WWOX: variants seen among roughly 807,000 people sequenced by gnomAD.
The protein encoded by WWOX is WW domain containing oxidoreductase, also known as WW domain-containing oxidoreductase.
In WWOX, 69 loss-of-function variants were observed where a neutral mutation model predicts 46.2. That is an observed-to-expected ratio of 1.49 (90% CI 1.23 to 1.82). WWOX has a LOEUF of 1.82. Among genes scored for constraint, WWOX ranks in the 40% most tolerant of loss-of-function variants. The pLI, the probability that WWOX is intolerant of heterozygous loss-of-function variation, is 0.00. For missense variants in WWOX, 919 were observed against 542.6 expected, an observed-to-expected ratio of 1.69 and a Z score of -6.89; for synonymous variants, 359 against 202.6, an observed-to-expected ratio of 1.77 and a Z score of -6.56.
chr16:78,965,402 G>C (rs553786496), intron 8 of WWOX, among the ~76,000 whole-genome samples: 45 of 152,000 alleles, frequency 3.0e-4, no homozygotes, highest in African/African-American at 1.0e-3. Context: ...AACCCCATCT[G>C]TACTGTAAAT....
chr16:79,161,402 A>T (rs1034973175), intron 8 of WWOX, among the ~76,000 whole-genome samples: 1 of 152,242 alleles, frequency 6.6e-6, no homozygotes, highest in Non-Finnish European at 1.5e-5. Flanking sequence ...CATAAGCTTG[A>T]CACATAAAAT....
intron 8 of WWOX, chr16:78,757,132 G>C (rs1366638580): frequency 7.7e-6 from 5 of 646,406 alleles, no homozygotes; most frequent in Non-Finnish European, 1.4e-5. Context: ...GAACCACCGA[G>C]CTAAGCTGCT....
At chr16:78,961,306 C>T (rs200478273) in intron 8 of WWOX, among the ~76,000 whole-genome samples, 4 of 152,128 alleles carry the variant, frequency 2.6e-5, no homozygotes, top group Middle Eastern at 3.2e-3. Context: ...TATAATTGAA[C>T]ATGCCTAAAT....
intron 8 of WWOX, among the ~76,000 whole-genome samples, chr16:78,751,500 T>C (rs1320662224): frequency 1.4e-5 from 2 of 146,738 alleles, no homozygotes; most frequent in Non-Finnish European, 3.0e-5. Flanking sequence ...CATATGTTTG[T>C]ATATAAATAT....
intron 8 of WWOX, among the ~76,000 whole-genome samples, chr16:78,758,774 G>A (rs1169109440): frequency 6.6e-6 from 1 of 151,970 alleles, no homozygotes; most frequent in South Asian, 2.1e-4. Context: ...AAGGTTAAGG[G>A]CAATGATGTA....
At chr16:78,906,195 C>T (rs1041774447) in intron 8 of WWOX, among the ~76,000 whole-genome samples, 2 of 152,132 alleles carry the variant, frequency 1.3e-5, no homozygotes, top group Admixed American at 6.5e-5. Flanking sequence ...AGCAGAGAGC[C>T]ACTGGTGTGG....
intron 8 of WWOX, among the ~76,000 whole-genome samples, chr16:78,713,821 A>T (rs938207205): frequency 6.6e-6 from 1 of 152,122 alleles, no homozygotes. Flanking sequence ...ACCCCTGTAG[A>T]TAATACAGTC....
At position 78,922,984 on chromosome 16, in the gene WWOX, C is replaced by CTTTTTTTCTT. The variant is rs1555569184; in HGVS notation, c.1057-288617_1057-288616insCTTTTTTTTT. 4.6e-3 allele frequency among the ~76,000 whole-genome samples: 657 copies of CTTTTTTTCTT among 141,510 alleles called. 13 individuals carry two copies. The highest frequency in any genetic ancestry group is 0.015 in the African/African-American group (558 of 38,386). 92.8% of individuals were successfully genotyped at this position (141,510 alleles called of 152,430 possible). On this transcript the variant is annotated intron_variant, in intron 8 of 8. Coordinates refer to ENST00000566780, the MANE Select transcript of WWOX (RefSeq NM_016373.4). ...CAGGAGGCATAATTCTTTCTCTTTT[C>CTTTTTTTCTT]TTTTTTTTTTTTTTGAGACAGAGTT... is the stretch of plus-strand genomic sequence containing the variant.
At chr16:79,161,055 T>C (rs138769593) in intron 8 of WWOX, among the ~76,000 whole-genome samples, 323 of 152,350 alleles carry the variant, frequency 2.1e-3, no homozygotes, top group Admixed American at 3.9e-3. Context: ...ACTGCTGATA[T>C]AGGAGATCAC....
intron 8 of WWOX, among the ~76,000 whole-genome samples, chr16:78,720,094 A>G (rs976995959): frequency 2.0e-5 from 3 of 152,186 alleles, no homozygotes; most frequent in South Asian, 2.1e-4. Context: ...TTATTCTGCA[A>G]GTTGAAATGC....
chr16:78,196,089 C>A (rs1009877102), intron 5 of WWOX, among the ~76,000 whole-genome samples: 1 of 152,224 alleles, frequency 6.6e-6, no homozygotes, highest in Non-Finnish European at 1.5e-5. Context: ...ACTGAGAGCA[C>A]TTTTCTGCAG....
intron 8 of WWOX, among the ~76,000 whole-genome samples, chr16:78,864,355 C>G (rs547393505): frequency 6.6e-6 from 1 of 151,640 alleles, no homozygotes; most frequent in Non-Finnish European, 1.5e-5. Flanking sequence ...CAGCCTCGAT[C>G]TCCTGGGGCT....
At chr16:78,152,102 G>A (rs1045564231) in intron 4 of WWOX, among the ~76,000 whole-genome samples, 57 of 152,028 alleles carry the variant, frequency 3.7e-4, no homozygotes, top group Admixed American at 9.2e-4. Context: ...AGGCAGGAGA[G>A]TGGCGTGAAC....
chr16:78,687,185 A>C (rs78161174), intron 8 of WWOX, among the ~76,000 whole-genome samples: 1 of 152,164 alleles, frequency 6.6e-6, no homozygotes. Flanking sequence ...TGTTCAACAC[A>C]GTTCTCTTGT....
At chr16:78,116,162 C>G (rs1039744093) in intron 4 of WWOX, among the ~76,000 whole-genome samples, 6 of 152,120 alleles carry the variant, frequency 3.9e-5, no homozygotes, top group African/African-American at 1.2e-4. Context: ...TTCAGTTATA[C>G]CCTTTTAGAT....
At chr16:78,381,272 A>C (rs2081951826) in intron 5 of WWOX, among the ~76,000 whole-genome samples, 1 of 151,376 alleles carries the variant, frequency 6.6e-6, no homozygotes, top group Admixed American at 6.6e-5. Context: ...ACAACAAGAA[A>C]CCCCTTTGAT....
At chr16:78,437,282 ACT>A (rs1567573309) in intron 8 of WWOX, among the ~76,000 whole-genome samples, 1 of 152,052 alleles carries the variant, frequency 6.6e-6, no homozygotes. Context: ...TAATTAGGTC[ACT>A]CTTCATGGAG....
In WWOX at chr16:78,211,810, C is replaced by T. The variant is rs1465137567; in HGVS notation, c.516+47521C>T. On this transcript the variant is annotated intron_variant, in intron 5 of 8. Coordinates refer to ENST00000566780, the MANE Select transcript of WWOX (RefSeq NM_016373.4). ...CAGGGAGAAGAACTCAAAGAACATGCATGAAGGGAGGAAGGTTGCACCAGT... is the reference window on the plus strand; with the variant it reads ...CAGGGAGAAGAACTCAAAGAACATGTATGAAGGGAGGAAGGTTGCACCAGT... Among the ~76,000 whole-genome samples, 3 of 152,106 alleles carry T rather than the reference C, an allele frequency of 2.0e-5. No homozygotes were observed. The South Asian group carries it at 6.2e-4, about 32-fold the overall frequency.
At chr16:78,716,841 A>G (rs547710912) in intron 8 of WWOX, among the ~76,000 whole-genome samples, 20 of 152,234 alleles carry the variant, frequency 1.3e-4, no homozygotes, top group African/African-American at 4.8e-4. Context: ...CTACGCAACC[A>G]CAGCTGTGTG....
Sources: allele counts gnomAD v4.1 joint callset (sites outside exome capture counted in the v4.1 genomes callset), GRCh38; gene constraint gnomAD v4.1.1; transcripts MANE v1.5; gene names NCBI Gene and HGNC (gene_info 2026-07-23, HGNC 2026-07-21).